The following PRTFDC1 variants were observed in gnomAD, a reference collection of about 807,000 sequenced individuals.
PRTFDC1 encodes the protein phosphoribosyltransferase domain-containing protein 1.
A neutral mutation model predicts 34.6 loss-of-function variants in PRTFDC1; 38 were observed. The ratio of observed to expected loss-of-function variants is 1.10; its 90% CI spans 0.85 to 1.44. PRTFDC1 has a LOEUF of 1.44. PRTFDC1 is among the 40% of genes most tolerant of loss of function. The pLI is 0.00. For synonymous variants in PRTFDC1, 93 were observed against 98.1 expected, an observed-to-expected ratio of 0.95 and a Z score of 0.31; for missense variants, 270 against 283.0, an observed-to-expected ratio of 0.95 and a Z score of 0.33.
rs538391292 is a variant in PRTFDC1, at chr10:24,919,784, A to G, written c.339+17400T>C. 6.7e-4 allele frequency among the ~76,000 whole-genome samples: 102 copies of G among 152,090 alleles called. 2 individuals are homozygous for G. Among genetic ancestry groups the G allele is most frequent in the African/African-American group, 2.3e-3 (95 of 41,560 alleles). On this transcript the variant is annotated intron_variant, in intron 3 of 8. Coordinates refer to ENST00000320152, the MANE Select transcript of PRTFDC1 (RefSeq NM_020200.7). Reference sequence around the variant, plus strand: ...CTACAAGGGACTTAAACAAATTTACATTAAAAAAAAACCATTAAAAATGGG... The same window carrying G: ...CTACAAGGGACTTAAACAAATTTACGTTAAAAAAAAACCATTAAAAATGGG...
rs1229370756 is a variant in PRTFDC1 at position 24,849,762 on chromosome 10, G to A, written c.*82C>T. 2 of 1,364,062 alleles carry A rather than the reference G, an allele frequency of 1.5e-6. No homozygotes were observed. Among genetic ancestry groups the A allele is most frequent in the African/African-American group, 1.4e-5 (1 of 69,686 alleles). 84.5% of individuals were successfully genotyped at this position (1,364,062 alleles called of 1,614,324 possible). A position where few individuals can be genotyped will look rare whatever the true frequency, so the allele number is the denominator to read the frequency against. Reference sequence around the variant, plus strand: ...ATCCTGCTGAGTGAAGATGCCTGGGGGGACAAACTTGACAGCTGGCTTCCC... The same window carrying A: ...ATCCTGCTGAGTGAAGATGCCTGGGAGGACAAACTTGACAGCTGGCTTCCC... On this transcript the variant is annotated 3_prime_UTR_variant, in exon 9 of 9. Coordinates refer to ENST00000320152, the MANE Select transcript of PRTFDC1 (RefSeq NM_020200.7).
intron 1 of PRTFDC1, among the ~76,000 whole-genome samples, chr10:24,948,156 A>C (rs1410857056): frequency 6.6e-6 from 1 of 152,138 alleles, no homozygotes; most frequent in African/African-American, 2.4e-5. Context: ...GGGGGGTGAC[A>C]GGAAGCCAGC....
chr10:24,864,293 G>T (rs1000177208), intron 4 of PRTFDC1, among the ~76,000 whole-genome samples: 4 of 152,216 alleles, frequency 2.6e-5, no homozygotes, highest in African/African-American at 9.7e-5. Context: ...GCAGTAGCAT[G>T]GCTGGAGAGG....
chr10:24,858,045 C>A (rs1319271142), intron 5 of PRTFDC1, among the ~76,000 whole-genome samples: 1 of 152,132 alleles, frequency 6.6e-6, no homozygotes, highest in Non-Finnish European at 1.5e-5. Flanking sequence ...TCAGGGTAAA[C>A]AGAGTTCTAA....
intron 3 of PRTFDC1, among the ~76,000 whole-genome samples, chr10:24,914,498 A>G (rs562203877): frequency 6.6e-6 from 1 of 152,188 alleles, no homozygotes; most frequent in African/African-American, 2.4e-5. Context: ...GTGCCTCACA[A>G]AGATGTACTT....
At chr10:24,856,873 G>A (rs771345739) in intron 6 of PRTFDC1, 40 bp downstream of exon 6, 1 of 1,534,968 alleles carries the variant, frequency 6.5e-7, no homozygotes, top group South Asian at 1.1e-5. Flanking sequence ...GGGCTTGCTT[G>A]GAAAACTAGA....
chr10:24,869,859 T>C (rs912854171), intron 4 of PRTFDC1, among the ~76,000 whole-genome samples: 13 of 152,192 alleles, frequency 8.5e-5, no homozygotes, highest in African/African-American at 2.9e-4. Context: ...TTATTTACCA[T>C]TTCCCTCTGC....
intron 1 of PRTFDC1, among the ~76,000 whole-genome samples, chr10:24,947,181 C>T (rs1347397235): frequency 6.6e-6 from 1 of 152,108 alleles, no homozygotes; most frequent in Non-Finnish European, 1.5e-5. Flanking sequence ...AAATATATTT[C>T]TCTAAAACTG....
chr10:24,859,496 T>G (rs950915904), intron 4 of PRTFDC1, among the ~76,000 whole-genome samples: 4 of 152,154 alleles, frequency 2.6e-5, no homozygotes, highest in African/African-American at 4.8e-5. Flanking sequence ...TCTGCCCTCC[T>G]TGGCCTTCCA....
intron 3 of PRTFDC1, among the ~76,000 whole-genome samples, chr10:24,920,959 A>T (rs1423002697): frequency 6.6e-6 from 1 of 152,160 alleles, no homozygotes; most frequent in African/African-American, 2.4e-5. Flanking sequence ...CTAAAATGGT[A>T]TTCTGTTTTG....
intron 3 of PRTFDC1, among the ~76,000 whole-genome samples, chr10:24,894,011 A>G (rs1483443255): frequency 7.2e-5 from 11 of 152,216 alleles, no homozygotes. Context: ...TGATAACATT[A>G]CTGTAGTCCT....
intron 7 of PRTFDC1, among the ~76,000 whole-genome samples, chr10:24,853,473 G>T (rs745942353): frequency 1.3e-5 from 2 of 152,090 alleles, no homozygotes; most frequent in Admixed American, 6.6e-5. Context: ...TTAGCCAGGT[G>T]TGGTGGTACC....
chr10:24,915,655 T>G (rs1312692959), intron 3 of PRTFDC1, among the ~76,000 whole-genome samples: 1 of 152,226 alleles, frequency 6.6e-6, no homozygotes, highest in Non-Finnish European at 1.5e-5. Context: ...ACTATGGTGG[T>G]CAACATTCAG....
chr10:24,911,291 G>A (rs1211570794), intron 3 of PRTFDC1, among the ~76,000 whole-genome samples: 1 of 152,168 alleles, frequency 6.6e-6, no homozygotes, highest in Non-Finnish European at 1.5e-5. Flanking sequence ...TGTTATGAAA[G>A]TTTTTGAACT....
intron 3 of PRTFDC1, among the ~76,000 whole-genome samples, chr10:24,921,104 C>G (rs982430714): frequency 2.0e-5 from 3 of 150,418 alleles, no homozygotes; most frequent in Admixed American, 6.6e-5. Context: ...AAAAAAAAAA[C>G]AAAAAAACAA....
At chr10:24,896,055 T>C (rs1365008954) in intron 3 of PRTFDC1, among the ~76,000 whole-genome samples, 1 of 152,136 alleles carries the variant, frequency 6.6e-6, no homozygotes, top group Non-Finnish European at 1.5e-5. Context: ...GAAGGGCTTT[T>C]GGTCCTGGGA....
chr10:24,858,484 T>G lies in PRTFDC1; in HGVS notation c.406-75A>C, dbSNP rs112422336. The G allele has an allele frequency of 6.8e-4, 1,017 of 1,496,392 alleles. 3 individuals carry two copies. The African/African-American group carries it at 7.9e-3, about 12-fold the overall frequency. 92.7% of individuals were successfully genotyped at this position (1,496,392 alleles called of 1,614,324 possible). ...CAGGATACATACACATTTTTTTGCT[T>G]ATAGTTAGAATTTCACAATTTACTT... On this transcript the variant is annotated intron_variant, in intron 4 of 8. Coordinates refer to ENST00000320152, the MANE Select transcript of PRTFDC1 (RefSeq NM_020200.7).
intron 3 of PRTFDC1, among the ~76,000 whole-genome samples, chr10:24,881,875 T>C (rs919177715): frequency 6.6e-6 from 1 of 152,060 alleles, no homozygotes; most frequent in African/African-American, 2.4e-5. Context: ...ACCACACCTT[T>C]CCATCTCTCT....
At chr10:24,932,922 C>A (rs1195993249) in intron 3 of PRTFDC1, among the ~76,000 whole-genome samples, 3 of 152,016 alleles carry the variant, frequency 2.0e-5, no homozygotes, top group Non-Finnish European at 4.4e-5. Flanking sequence ...TGTAGATGAA[C>A]AGATCTGATA....
Sources: allele counts gnomAD v4.1 joint callset (sites outside exome capture counted in the v4.1 genomes callset), GRCh38; gene constraint gnomAD v4.1.1; transcripts MANE v1.5; gene names NCBI Gene and HGNC (gene_info 2026-07-23, HGNC 2026-07-21).